DRC11: variants seen among roughly 807,000 people sequenced by gnomAD.
DRC11 encodes dynein regulatory complex subunit 11, also known as IQ and AAA domain-containing protein 1.
At chr2:236,493,133 A>G in the DRC11 span, among the ~76,000 whole-genome samples, 150 of 152,156 alleles carry the variant, frequency 9.9e-4, 2 homozygotes, top group East Asian at 0.014. Flanking sequence ...CACATCTCAT[A>G]TGGCGGCAGA....
the DRC11 span, among the ~76,000 whole-genome samples, chr2:236,436,385 T>C: frequency 6.6e-6 from 1 of 152,218 alleles, no homozygotes; most frequent in Non-Finnish European, 1.5e-5. Flanking sequence ...GAGCAGATTC[T>C]CTTCATGTTA....
the DRC11 span, among the ~76,000 whole-genome samples, chr2:236,339,139 G>C: frequency 6.6e-6 from 1 of 152,288 alleles, no homozygotes; most frequent in East Asian, 1.9e-4. Flanking sequence ...GGCCATTTTT[G>C]CTCCCATTTG....
chr2:236,321,455 G>A, the DRC11 span, among the ~76,000 whole-genome samples: 2 of 152,206 alleles, frequency 1.3e-5, no homozygotes, highest in African/African-American at 4.8e-5. Context: ...CGCAGAATAT[G>A]AGTATGTGTG....
chr2:236,344,407 T>G, the DRC11 span: 13 of 612,872 alleles, frequency 2.1e-5, no homozygotes, highest in East Asian at 3.6e-4. Flanking sequence ...TCAAATACAG[T>G]TAGGGCAGAC....
the DRC11 span, among the ~76,000 whole-genome samples, chr2:236,383,459 G>A: frequency 6.6e-6 from 1 of 151,696 alleles, no homozygotes; most frequent in African/African-American, 2.4e-5. Context: ...TCTAATCTTT[G>A]TTATTTCCTG....
the DRC11 span, among the ~76,000 whole-genome samples, chr2:236,433,311 T>C: frequency 6.6e-6 from 1 of 152,156 alleles, no homozygotes; most frequent in East Asian, 1.9e-4. Flanking sequence ...CTATTGGTAT[T>C]TTCATTTGGA....
chr2:236,482,844 C>A, the DRC11 span, among the ~76,000 whole-genome samples: 3 of 152,120 alleles, frequency 2.0e-5, no homozygotes, highest in Non-Finnish European at 2.9e-5. This position sits in a 1 kb window ranked among gnomAD's most constrained non-coding sequence, Gnocchi z 4.5. Flanking sequence ...TTATACAGAA[C>A]CATTTCAATG....
At chr2:236,491,240 T>TATATATATAC in the DRC11 span, among the ~76,000 whole-genome samples, 131 of 52,520 alleles carry the variant, frequency 2.5e-3, 2 homozygotes, top group African/African-American at 8.4e-3. Flanking sequence ...TATATATATA[T>TATATATATAC]ACACAGTATA....
the DRC11 span, among the ~76,000 whole-genome samples, chr2:236,355,603 T>C: frequency 6.6e-6 from 1 of 152,050 alleles, no homozygotes. Context: ...CTCCTCTCTT[T>C]CCTCTCCCCC....
the DRC11 span, among the ~76,000 whole-genome samples, chr2:236,453,226 T>A: frequency 6.6e-6 from 1 of 152,224 alleles, no homozygotes; most frequent in Non-Finnish European, 1.5e-5. This position sits in a 1 kb window ranked among gnomAD's most constrained non-coding sequence, Gnocchi z 4.9. Flanking sequence ...ACATTTGAAT[T>A]CACTTCTTAT....
At chr2:236,333,733 C>CA in the DRC11 span, among the ~76,000 whole-genome samples, 1 of 152,212 alleles carries the variant, frequency 6.6e-6, no homozygotes, top group Non-Finnish European at 1.5e-5. This position sits in a 1 kb window ranked among gnomAD's most constrained non-coding sequence, Gnocchi z 6.0. Context: ...GAAGCCACAA[C>CA]AGTCACAATC....
chr2:236,362,030 T>A, the DRC11 span, among the ~76,000 whole-genome samples: 1 of 152,124 alleles, frequency 6.6e-6, no homozygotes, highest in Non-Finnish European at 1.5e-5. The surrounding 1 kb of genome is among the most constrained non-coding windows in gnomAD (Gnocchi z 5.7). Flanking sequence ...CATTTCATAA[T>A]GATAAAATAA....
chr2:236,469,460 T>C, the DRC11 span, among the ~76,000 whole-genome samples: 1 of 152,218 alleles, frequency 6.6e-6, no homozygotes, highest in Non-Finnish European at 1.5e-5. This position sits in a 1 kb window ranked among gnomAD's most constrained non-coding sequence, Gnocchi z 5.8. Flanking sequence ...ACTATCCCAC[T>C]TAACAGATGA....
the DRC11 span, among the ~76,000 whole-genome samples, chr2:236,361,342 T>C: frequency 6.6e-6 from 1 of 152,146 alleles, no homozygotes; most frequent in Non-Finnish European, 1.5e-5. The surrounding 1 kb of genome is among the most constrained non-coding windows in gnomAD (Gnocchi z 5.7). Flanking sequence ...AGGGAAATGA[T>C]ACCAGGTGAA....
chr2:236,368,481 G>A, the DRC11 span: 1 of 569,426 alleles, frequency 1.8e-6, no homozygotes, highest in South Asian at 2.1e-5. Flanking sequence ...TTGAAGAAAA[G>A]CTATCCAGGC....
the DRC11 span, among the ~76,000 whole-genome samples, chr2:236,402,256 C>T: frequency 7.9e-5 from 12 of 152,344 alleles, no homozygotes; most frequent in African/African-American, 2.9e-4. This position sits in a 1 kb window ranked among gnomAD's most constrained non-coding sequence, Gnocchi z 6.0. Flanking sequence ...TCCCCAGGGG[C>T]TTCCCACAGC....
chr2:236,497,429 C>G, the DRC11 span: 1 of 1,613,674 alleles, frequency 6.2e-7, no homozygotes, highest in African/African-American at 1.3e-5. The surrounding 1 kb of genome is among the most constrained non-coding windows in gnomAD (Gnocchi z 5.1). Context: ...TTCTGAGGCT[C>G]TTTATCGAGT....
the DRC11 span, among the ~76,000 whole-genome samples, chr2:236,459,545 A>ATATG: frequency 1.6e-5 from 2 of 124,702 alleles, no homozygotes; most frequent in Non-Finnish European, 3.3e-5. Flanking sequence ...GTATACGTAT[A>ATATG]CGTATACATG....
chr2:236,357,831 C>G, the DRC11 span, among the ~76,000 whole-genome samples: 9 of 122,160 alleles, frequency 7.4e-5, no homozygotes, highest in African/African-American at 3.0e-4. Context: ...TATACATATA[C>G]TATATAAATA....
Sources: gnomAD v4.1 joint callset for allele counts (sites outside exome capture counted in the v4.1 genomes callset) on GRCh38, gnomAD v4.1.1 for gene constraint, Gnocchi (gnomAD v3.1) non-coding constraint, MANE v1.5 for transcripts, NCBI Gene and HGNC (gene_info 2026-07-23, HGNC 2026-07-21) for gene names.